Variants in AP3B2 observed in about 807,000 individuals in gnomAD.
AP3B2 encodes AP-3 complex subunit beta-2.
Under a neutral mutation model 126.9 loss-of-function variants are expected in AP3B2, and 50 were observed. That is an observed-to-expected ratio of 0.39 (90% CI 0.31 to 0.50). The LOEUF (loss-of-function observed/expected upper bound fraction) is 0.50, where lower values mean the gene tolerates loss of function less well. Among genes scored for constraint, AP3B2 ranks in the 20% least tolerant of loss-of-function variants. The pLI is 0.79. For synonymous variants in AP3B2, 541 were observed against 565.0 expected (o/e 0.96, Z 0.60); for missense variants, 1,177 against 1,426.4 (o/e 0.83, Z 2.82).
intron 23 of AP3B2, 85 bp from the exon 24 acceptor site, chr15:82,662,337 C>G (rs923378793): frequency 9.5e-7 from 1 of 1,048,844 alleles, no homozygotes; most frequent in Non-Finnish European, 1.4e-6. Context: ...CTACTCTCCT[C>G]TCCACTGTCA....
At position 82,665,136 on chromosome 15, in the gene AP3B2, C is replaced by A; in HGVS notation, c.2028+111G>T. On this transcript the variant is annotated intron_variant, in intron 17 of 26. Transcript: ENST00000535359. This position sits in a 1 kb window ranked among gnomAD's most constrained non-coding sequence, Gnocchi z 4.4. ...AATGCTGCTCACAGAGGAGCACTGC[C>A]AAACCAAGGTGGAAACAGAGTATGG... is the stretch of plus-strand genomic sequence containing the variant. The A allele has an allele frequency of 7.6e-7, 1 of 1,315,100 alleles. No individual in the cohort carries two copies. Among genetic ancestry groups the A allele is most frequent in the Non-Finnish European group, 1.0e-6 (1 of 952,926 alleles). 81.5% of individuals were successfully genotyped at this position (1,315,100 alleles called of 1,614,324 possible).
At chr15:82,699,668 G>C (rs2048686931) in intron 1 of AP3B2, 1 of 399,840 alleles carries the variant, frequency 2.5e-6, no homozygotes, top group Admixed American at 4.4e-5. Flanking sequence ...CTGGCCTCTG[G>C]GCAAGGTCCT....
At chr15:82,705,731 G>C (rs1302085941) in intron 1 of AP3B2, among the ~76,000 whole-genome samples, 1 of 152,178 alleles carries the variant, frequency 6.6e-6, no homozygotes. Flanking sequence ...TGCTGATCAT[G>C]TCCGGCTAAT....
At chr15:82,677,547 C>T (rs1200231349) in intron 12 of AP3B2, 124 bp downstream of exon 12, 1 of 1,415,202 alleles carries the variant, frequency 7.1e-7, no homozygotes, top group Non-Finnish European at 9.5e-7. Context: ...CTGATCAAGA[C>T]AGACAGACCA....
chr15:82,701,235 C>G (rs1298723700), intron 1 of AP3B2, among the ~76,000 whole-genome samples: 1 of 152,176 alleles, frequency 6.6e-6, no homozygotes, highest in African/African-American at 2.4e-5. Context: ...TGCTCCCAGG[C>G]TAGTCCTCCC....
At position 82,689,459 on chromosome 15, in the gene AP3B2, G is replaced by T; in HGVS notation, c.114-6C>A. On this transcript the variant is annotated splice_region_variant and splice_polypyrimidine_tract_variant and intron_variant, in intron 1 of 26. Coordinates refer to ENST00000535359, the MANE Select transcript of AP3B2 (RefSeq NM_001278512.2). ...TCTCCTTCAGGTCATCATGCCTGGT[G>T]GGAGGTACAAGAAGTCAGCTGAGGG... 1 of 1,612,850 alleles carries T rather than the reference G, an allele frequency of 6.2e-7. No individual in the cohort carries two copies. The highest frequency in any genetic ancestry group is 1.1e-5 in the South Asian group (1 of 90,772).
rs781596682 is a variant in AP3B2, at chr15:82,681,075, G to C, written c.588+37C>G. The C allele has an allele frequency of 2.5e-6, 4 of 1,613,274 alleles. No homozygotes were observed. The African/African-American group carries it at 5.3e-5, about 22-fold the overall frequency. On this transcript the variant is annotated intron_variant, in intron 6 of 26. Coordinates refer to ENST00000535359, the MANE Select transcript of AP3B2 (RefSeq NM_001278512.2). The surrounding 1 kb of genome is among the most constrained non-coding windows in gnomAD (Gnocchi z 4.0). ...CGCGAAGGGTGGAAGGCCGGCTGCC[G>C]GTCACCACCCCTCCCGGAGCGCCCC... is the stretch of plus-strand genomic sequence containing the variant.
At chr15:82,662,040 C>A in intron 24 of AP3B2, 118 bp from the exon 25 acceptor site, 1 of 1,302,236 alleles carries the variant, frequency 7.7e-7, no homozygotes. Context: ...GAATGAGGGC[C>A]TGAGATGGCT....
chr15:82,699,025 G>A (rs1393411283), intron 1 of AP3B2, among the ~76,000 whole-genome samples: 3 of 152,182 alleles, frequency 2.0e-5, no homozygotes, highest in Admixed American at 6.5e-5. Context: ...CTGTTCCCAA[G>A]AGGCAGAGGC....
chr15:82,662,030 G>T, intron 24 of AP3B2, 108 bp from the exon 25 acceptor site: 1 of 1,323,414 alleles, frequency 7.6e-7, no homozygotes, highest in Non-Finnish European at 1.1e-6. Flanking sequence ...GTGAGGTCAG[G>T]AATGAGGGCC....
intron 3 of AP3B2, 128 bp downstream of exon 3, chr15:82,689,030 T>C: frequency 8.7e-7 from 1 of 1,149,022 alleles, no homozygotes; most frequent in Non-Finnish European, 1.3e-6. Flanking sequence ...CAGTGTCTTC[T>C]CCTGGCTCAG....
Position 82,709,677 on chromosome 15 carries a change from G to C in AP3B2, c.30C>G (p.Asp10Glu). The C allele has an allele frequency of 2.0e-6, 3 of 1,503,776 alleles. No individual in the cohort carries two copies. 93.2% of individuals were successfully genotyped at this position (1,503,776 alleles called of 1,614,324 possible). Reference protein sequence around the residue: MSAAPAYSEDKGGSAGPGEP... With the variant: MSAAPAYSEEKGGSAGPGEP... ...CCCCGGGGCCAGCGGAGCCGCCCTT[G>C]TCTTCGCTGTAGGCGGGGGCGGCCG... is the stretch of plus-strand genomic sequence containing the variant. Residue 10 changes from aspartate to glutamate, a missense_variant, in exon 1 of 27, where the codon GAC becomes GAG. Physicochemically the swap from Asp to Glu is conservative, Grantham distance 45. Around this residue, in one of 5 missense-constraint regions of AP3B2, gnomAD observed 49 missense variants for 39.3 expected, o/e 1.25. Transcript: ENST00000535359.
chr15:82,663,492 C>T (rs1402420168), intron 21 of AP3B2, 68 bp downstream of exon 21: 9 of 1,543,878 alleles, frequency 5.8e-6, no homozygotes, highest in Non-Finnish European at 8.0e-6. Context: ...TCCAGAGTCC[C>T]TATGGGCTGT....
At chr15:82,663,486 G>T in intron 21 of AP3B2, 74 bp downstream of exon 21, 1 of 1,517,354 alleles carries the variant, frequency 6.6e-7, no homozygotes, top group South Asian at 1.1e-5. Context: ...ACCCGATCCA[G>T]AGTCCCTATG....
chr15:82,659,626 G>C lies in AP3B2; in HGVS notation c.3240C>G (p.Val1080=), dbSNP rs764833765. 6.2e-7 allele frequency: 1 copy of C among 1,613,964 alleles called. No homozygotes were observed. The highest frequency in any genetic ancestry group is 8.5e-7 in the Non-Finnish European group (1 of 1,179,884). ...TGCCAATCACCATTTTCTCGCTGTTGACAGTCAGCTGGGCAGCTCCAGCTG... is the reference window on the plus strand; with the variant it reads ...TGCCAATCACCATTTTCTCGCTGTTCACAGTCAGCTGGGCAGCTCCAGCTG... ...ARPAGAAQLT[V]NSEKMVIGTM... is the part of the protein sequence containing the mutation. The change falls in exon 27 of 27, where the codon GTC becomes GTG. Residue 1080 remains valine, a synonymous_variant. Transcript: ENST00000535359.
intron 15 of AP3B2, among the ~76,000 whole-genome samples, chr15:82,666,053 GC>G (rs1470938940): frequency 1.3e-5 from 2 of 152,180 alleles, no homozygotes; most frequent in Non-Finnish European, 2.9e-5. Context: ...TCAAAGCTGT[GC>G]CCACCCTCAG....
chr15:82,669,648 C>T (rs2048115314), intron 14 of AP3B2, among the ~76,000 whole-genome samples: 1 of 148,842 alleles, frequency 6.7e-6, no homozygotes. Context: ...GCCAAGATGG[C>T]GCCACTGCAC....
chr15:82,682,304 C>T (rs889642640), intron 4 of AP3B2, among the ~76,000 whole-genome samples: 11 of 152,032 alleles, frequency 7.2e-5, no homozygotes, highest in South Asian at 2.1e-4. Context: ...CCGCCCACCT[C>T]GGCCTCCCAA....
At chr15:82,691,696 A>G in intron 1 of AP3B2, 5 of 1,470,868 alleles carry the variant, frequency 3.4e-6, no homozygotes, top group Non-Finnish European at 4.5e-6. Flanking sequence ...AACCTAAAAA[A>G]TAAAGAAAAA....
Sources: gnomAD v4.1 joint callset for allele counts (sites outside exome capture counted in the v4.1 genomes callset) on GRCh38, gnomAD v4.1.1 for gene constraint, gnomAD v4.1.1 regional missense constraint, Gnocchi (gnomAD v3.1) non-coding constraint, MANE v1.5 for transcripts, NCBI Gene and HGNC (gene_info 2026-07-23, HGNC 2026-07-21) for gene names.